Variants in C6orf163 observed in about 807,000 individuals in gnomAD.
C6orf163 encodes the protein chromosome 6 open reading frame 163.
C6orf163 carries 22 observed loss-of-function variants against 28.4 expected under a neutral mutation model. That is an observed-to-expected ratio of 0.78 (90% confidence interval 0.55 to 1.11). C6orf163 has a LOEUF of 1.11. Among genes scored for constraint, C6orf163 ranks in the 50% least tolerant of loss-of-function variants. The pLI, the probability that C6orf163 is intolerant of heterozygous loss-of-function variation, is 0.00. For synonymous variants in C6orf163, 110 were observed against 123.6 expected, an observed-to-expected ratio of 0.89 and a Z score of 0.73; for missense variants, 342 against 389.1, an observed-to-expected ratio of 0.88 and a Z score of 1.02.
intron 2 of C6orf163, among the ~76,000 whole-genome samples, chr6:87,349,445 T>G (rs894112295): frequency 6.6e-6 from 1 of 152,164 alleles, no homozygotes; most frequent in African/African-American, 2.4e-5. Flanking sequence ...ATATGACTGC[T>G]GAGCACTATA....
At chr6:87,345,301 A>G in intron 1 of C6orf163, 54 bp downstream of exon 1, 1 of 1,432,858 alleles carries the variant, frequency 7.0e-7, no homozygotes, top group Non-Finnish European at 9.1e-7. Flanking sequence ...CTTATGTGTC[A>G]TTCTTTCTGT....
chr6:87,348,579 C>T (rs1370550505), intron 1 of C6orf163: 2 of 1,278,906 alleles, frequency 1.6e-6, no homozygotes, highest in African/African-American at 3.1e-5. Flanking sequence ...GCTGTGTGGA[C>T]TGGGTGTGAT....
At position 87,364,988 on chromosome 6, in the gene C6orf163, T is replaced by C. The variant is rs1345523943; in HGVS notation, c.582T>C (p.Thr194=). 4 of 1,549,202 alleles carry C rather than the reference T, an allele frequency of 2.6e-6. No homozygotes were observed. The highest frequency in any genetic ancestry group is 3.5e-6 in the Non-Finnish European group (4 of 1,145,360). The change falls in exon 5 of 5, where the codon ACT becomes ACC. Residue 194 remains threonine, a synonymous_variant. Coordinates refer to ENST00000388923, the MANE Select transcript of C6orf163 (RefSeq NM_001010868.3). Reference sequence around the variant, plus strand: ...AAGCCGTGGAGGAAATTGTGAATACTGGTGTCACAGTTATTAAGGATGAGA... The same window carrying C: ...AAGCCGTGGAGGAAATTGTGAATACCGGTGTCACAGTTATTAAGGATGAGA... ...KSKAVEEIVN[T]GVTVIKDEKT...
intron 1 of C6orf163, among the ~76,000 whole-genome samples, chr6:87,346,279 A>T (rs1777322651): frequency 6.6e-6 from 1 of 152,190 alleles, no homozygotes; most frequent in Non-Finnish European, 1.5e-5. Context: ...TTTGGAAAAA[A>T]AAACTAAAAT....
rs538488810 is a variant in C6orf163, at chr6:87,347,649, A to T, written c.149-1163A>T. ...TTTAATTGCTAGTGACAGAAACATAACTCAGAATAGACTGCATGAAATGGA... is the reference window on the plus strand; with the variant it reads ...TTTAATTGCTAGTGACAGAAACATATCTCAGAATAGACTGCATGAAATGGA... On this transcript the variant is annotated intron_variant, in intron 1 of 4. Transcript: ENST00000388923. 5.1e-6 allele frequency: 5 copies of T among 985,090 alleles called. No homozygotes were observed. In the African/African-American group the frequency reaches 8.7e-5, roughly 17 times the overall value. The allele number at this position is 985,090 out of a possible 1,614,324, so 61.0% of individuals were successfully genotyped here.
At chr6:87,351,020 T>C (rs242264) in intron 3 of C6orf163, among the ~76,000 whole-genome samples, 89,942 of 151,944 alleles carry the variant, frequency 0.59, 26,985 homozygotes, top group African/African-American at 0.64. Context: ...ACTGTACTGC[T>C]AAGAGGGACA....
chr6:87,352,166 C>T (rs242268), intron 3 of C6orf163, among the ~76,000 whole-genome samples: 81,881 of 151,912 alleles, frequency 0.54, 22,541 homozygotes, highest in Non-Finnish European at 0.6. Flanking sequence ...ATATTTTTTA[C>T]TTATGAAGGA....
intron 4 of C6orf163, chr6:87,357,597 T>C (rs406981): frequency 0.54 from 82,586 of 152,092 alleles, 22,849 homozygotes; most frequent in Non-Finnish European, 0.6. Flanking sequence ...TGCAGGTCAT[T>C]GTGGAGGTAG....
chr6:87,363,681 AT>A (rs1777609791), intron 4 of C6orf163, among the ~76,000 whole-genome samples: 1 of 150,874 alleles, frequency 6.6e-6, no homozygotes, highest in South Asian at 2.1e-4. Flanking sequence ...TGAACTCATC[AT>A]TTTTTATGGC....
At chr6:87,349,051 T>C in intron 2 of C6orf163, 145 bp downstream of exon 2, 1 of 1,038,222 alleles carries the variant, frequency 9.6e-7, no homozygotes, top group South Asian at 1.9e-5. Flanking sequence ...CTACAACCTC[T>C]GTAGTCTTGG....
rs531306603 is a variant in C6orf163 at position 87,348,020 on chromosome 6, G to T, written c.149-792G>T. ...AAAATACAAAAATTAGTCAGGCATG[G>T]TGGTGGGCGCCTGTAATTCCAGCTA... On this transcript the variant is annotated intron_variant, in intron 1 of 4. Transcript: ENST00000388923. The T allele has an allele frequency of 1.6e-4, 74 of 467,210 alleles. No homozygotes were observed. The South Asian group carries it at 2.8e-3, about 18-fold the overall frequency. 28.9% of individuals were successfully genotyped at this position (467,210 alleles called of 1,614,324 possible).
intron 3 of C6orf163, among the ~76,000 whole-genome samples, chr6:87,355,499 T>C (rs1562230622): frequency 6.6e-6 from 1 of 151,958 alleles, no homozygotes; most frequent in Non-Finnish European, 1.5e-5. Flanking sequence ...AGGTGGAGGC[T>C]GAAGTGAGCT....
At chr6:87,362,418 A>G (rs1442569883) in intron 4 of C6orf163, among the ~76,000 whole-genome samples, 2 of 152,180 alleles carry the variant, frequency 1.3e-5, no homozygotes, top group Non-Finnish European at 2.9e-5. Context: ...CGGAGGTTGC[A>G]GTGAGCCAAG....
In C6orf163 at chr6:87,345,007, G is replaced by C. The variant is rs1318181779; in HGVS notation, c.-93G>C. On this transcript the variant is annotated 5_prime_UTR_variant, in exon 1 of 5. Transcript: ENST00000388923. ...ATCCTAAAACCCTGAACCTCTTCCA[G>C]CTTTCTTAAACTTTCAGCTTTTCTT... The C allele has an allele frequency of 9.5e-7, 1 of 1,050,136 alleles. No individual in the cohort carries two copies. The highest frequency in any genetic ancestry group is 1.3e-6 in the Non-Finnish European group (1 of 744,220). The allele number at this position is 1,050,136 out of a possible 1,614,324, so 65.1% of individuals were successfully genotyped here. A position where few individuals can be genotyped will look rare whatever the true frequency, so the allele number is the denominator to read the frequency against.
chr6:87,345,372 A>G, intron 1 of C6orf163, 125 bp downstream of exon 1: 1 of 918,588 alleles, frequency 1.1e-6, no homozygotes, highest in East Asian at 2.9e-5. Context: ...GGGATATTTG[A>G]GGAGAATATG....
chr6:87,352,091 G>A (rs1421625762), intron 3 of C6orf163, among the ~76,000 whole-genome samples: 1 of 121,958 alleles, frequency 8.2e-6, no homozygotes, highest in African/African-American at 2.8e-5. Flanking sequence ...ATAGTTAAAG[G>A]GGGATCGACC....
At chr6:87,348,698 C>G (rs1247775638) in intron 1 of C6orf163, 114 bp from the exon 2 acceptor site, 1 of 1,446,962 alleles carries the variant, frequency 6.9e-7, no homozygotes, top group Non-Finnish European at 9.0e-7. Flanking sequence ...ATACTGGCAT[C>G]TCCTAAAAGG....
intron 2 of C6orf163, 111 bp downstream of exon 2, chr6:87,349,017 T>G: frequency 7.3e-7 from 1 of 1,371,962 alleles, no homozygotes; most frequent in Non-Finnish European, 9.6e-7. Context: ...GAATCCTGGC[T>G]AGCTGTGGGA....
At chr6:87,354,401 T>A (rs1343553388) in intron 3 of C6orf163, among the ~76,000 whole-genome samples, 1 of 152,250 alleles carries the variant, frequency 6.6e-6, no homozygotes, top group African/African-American at 2.4e-5. Flanking sequence ...CTTCAACAAT[T>A]ATTAAATGCC....
Sources: allele counts gnomAD v4.1 joint callset (sites outside exome capture counted in the v4.1 genomes callset), GRCh38; gene constraint gnomAD v4.1.1; transcripts MANE v1.5; gene names NCBI Gene and HGNC (gene_info 2026-07-23, HGNC 2026-07-21).